The following PAICS variants were observed in gnomAD, a reference collection of about 807,000 sequenced individuals.
PAICS encodes phosphoribosylaminoimidazole carboxylase and phosphoribosylaminoimidazolesuccinocarboxamide synthase, also known as bifunctional phosphoribosylaminoimidazole carboxylase/phosphoribosylaminoimidazole succinocarboxamide synthetase.
In PAICS, 33 loss-of-function variants were observed where a neutral mutation model predicts 53.7. The ratio of observed to expected loss-of-function variants is 0.61; its 90% CI spans 0.47 to 0.82. PAICS has a LOEUF of 0.82. PAICS is among the 40% of genes least tolerant of loss of function. PAICS has a pLI of 0.00. For missense variants in PAICS, 394 were observed against 494.1 expected, an observed-to-expected ratio of 0.80 and a Z score of 1.92; for synonymous variants, 141 against 167.2, an observed-to-expected ratio of 0.84 and a Z score of 1.21.
At chr4:56,422,966 G>A in the PAICS span, 1 of 152,122 alleles carries the variant, frequency 6.6e-6, no homozygotes, top group African/African-American at 2.4e-5. Context: ...AAGTCTTCCA[G>A]GTTATAATGA....
rs11359661 is a variant in PAICS at position 56,463,694 on chromosome 4, CAAAAAAAAA to C, written c.*4165_*4173del. On this transcript the variant is annotated 3_prime_UTR_variant, in exon 9 of 9. Transcript: ENST00000512576. ...GGCAACAAGAGCGAAAATCTGTCGC[CAAAAAAAAA>C]AAAAAAAAGATACTGTACATGGAAG... 9.4e-6 allele frequency: 1 copy of C among 106,772 alleles called. No individual in the cohort carries two copies. Among genetic ancestry groups the C allele is most frequent in the African/African-American group, 3.4e-5 (1 of 29,530 alleles). The allele number at this position is 106,772 out of a possible 1,614,324, so 6.6% of individuals were successfully genotyped here.
chr4:56,435,611 C>G, upstream of PAICS: 5 of 1,505,810 alleles, frequency 3.3e-6, no homozygotes, highest in South Asian at 6.3e-5. Context: ...GTGGCCCCAG[C>G]TACTGCGGCG....
intron 1 of PAICS, among the ~76,000 whole-genome samples, chr4:56,438,371 T>TTATTTATATATA (rs1553941190): frequency 3.5e-5 from 4 of 113,636 alleles, no homozygotes; most frequent in Non-Finnish European, 5.8e-5. Context: ...TGCAATGTGT[T>TTATTTATATATA]TATATATATA....
In PAICS at chr4:56,448,455, A is replaced by G. The variant is rs1718730250; in HGVS notation, c.431A>G (p.Gln144Arg). The change falls in exon 4 of 9, where the codon CAG becomes CGG. Residue 144 changes from glutamine (Q) to arginine (R), a missense_variant. Gln to Arg is a conservative substitution (Grantham distance 43). Around this residue, in one of 3 missense-constraint regions of PAICS, gnomAD observed 168 missense variants for 199.3 expected, o/e 0.84. Transcript: ENST00000512576. ...AATGACCCACAGTGGTCTGAGGAAC[A>G]GCTGATTGCTGCAAAATTTTGCTTT... ...ANNDPQWSEE[Q>R]LIAAKFCFAG... is the part of the protein sequence containing the mutation. 1.2e-6 allele frequency: 2 copies of G among 1,611,084 alleles called. No homozygotes were observed. The highest frequency in any genetic ancestry group is 1.7e-6 in the Non-Finnish European group (2 of 1,177,896).
chr4:56,432,997 T>TTATATA (rs370961590), upstream of PAICS, among the ~76,000 whole-genome samples: 8 of 148,436 alleles, frequency 5.4e-5, no homozygotes, highest in African/African-American at 9.9e-5. Flanking sequence ...CACACGTATT[T>TTATATA]TATATATATA....
chr4:56,415,100 G>T, the PAICS span, among the ~76,000 whole-genome samples: 1 of 152,264 alleles, frequency 6.6e-6, no homozygotes, highest in African/African-American at 2.4e-5. Context: ...GGGAATGCCT[G>T]TAAACATAAT....
chr4:56,440,561 A>G (rs1042355519), intron 1 of PAICS, among the ~76,000 whole-genome samples: 1 of 152,186 alleles, frequency 6.6e-6, no homozygotes, highest in Non-Finnish European at 1.5e-5. Flanking sequence ...AAGTTCTGCA[A>G]TCCACTTTGA....
At chr4:56,418,361 C>A in the PAICS span, among the ~76,000 whole-genome samples, 2 of 151,836 alleles carry the variant, frequency 1.3e-5, no homozygotes, top group African/African-American at 4.8e-5. Context: ...ACTCTTTTGC[C>A]CAAGCTGGAG....
chr4:56,419,355 A>AG, the PAICS span, among the ~76,000 whole-genome samples: 4 of 152,306 alleles, frequency 2.6e-5, no homozygotes, highest in African/African-American at 7.2e-5. Context: ...GGTATGGAAG[A>AG]GAAAAAAAAG....
the PAICS span, chr4:56,410,890 C>T: frequency 1.2e-6 from 1 of 839,248 alleles, no homozygotes; most frequent in Non-Finnish European, 1.4e-6. Context: ...CCCCAGAGAC[C>T]ACTGAAGGTA....
rs1718863222 is a variant in PAICS, at chr4:56,450,709, C to A, written c.771+7C>A. On this transcript the variant is annotated splice_region_variant and intron_variant, in intron 6 of 8. Coordinates refer to ENST00000512576, the MANE Select transcript of PAICS (RefSeq NM_001079524.2). ...GGTTGCAGAGAGAGTAGAGGTAAAC[C>A]TTCTATAGTAAAACTGTATGTATTA... The A allele has an allele frequency of 1.5e-6, 2 of 1,350,262 alleles. 1 individual carries two copies. Among genetic ancestry groups the A allele is most frequent in the South Asian group, 2.5e-5 (2 of 79,914 alleles). The allele number at this position is 1,350,262 out of a possible 1,614,324, so 83.6% of individuals were successfully genotyped here.
At chr4:56,435,476 A>C, upstream of PAICS, 2 of 1,613,360 alleles carry the variant, frequency 1.2e-6, no homozygotes, top group Non-Finnish European at 1.7e-6. Context: ...CTCCAGCTCC[A>C]TGTCGCCGCC....
chr4:56,445,148 AC>A (rs1718546318), intron 2 of PAICS, among the ~76,000 whole-genome samples: 1 of 152,090 alleles, frequency 6.6e-6, no homozygotes, highest in African/African-American at 2.4e-5. Context: ...TTTGAGTCTT[AC>A]GAGTCAGATT....
At chr4:56,427,400 G>A in the PAICS span, among the ~76,000 whole-genome samples, 3 of 152,162 alleles carry the variant, frequency 2.0e-5, no homozygotes, top group African/African-American at 7.2e-5. Flanking sequence ...TATGGCATAT[G>A]CTGAAAGTTT....
the PAICS span, chr4:56,410,899 TAAAAAAAAAAAAAAAAAAA>T: frequency 1.5e-6 from 1 of 676,420 alleles, no homozygotes; most frequent in Non-Finnish European, 1.7e-6. Flanking sequence ...CCACTGAAGG[TAAAAAAAAAAAAAAAAAAA>T]AAAAAAAAAA....
chr4:56,426,319 T>C, the PAICS span, among the ~76,000 whole-genome samples: 3 of 152,040 alleles, frequency 2.0e-5, no homozygotes, highest in Non-Finnish European at 4.4e-5. Flanking sequence ...GGAGAATCAC[T>C]TGAACCCAGG....
At chr4:56,442,552 A>C (rs893980904) in intron 2 of PAICS, among the ~76,000 whole-genome samples, 1 of 152,194 alleles carries the variant, frequency 6.6e-6, no homozygotes, top group African/African-American at 2.4e-5. Context: ...GTAGTATATG[A>C]AATTTCAGCT....
chr4:56,436,609 C>CA (rs1247314478), intron 1 of PAICS: 4 of 679,760 alleles, frequency 5.9e-6, no homozygotes, highest in Non-Finnish European at 1.1e-5. Context: ...AAAATACAAG[C>CA]AAATCAGTCT....
At chr4:56,435,430 C>A, upstream of PAICS, 1 of 1,613,924 alleles carries the variant, frequency 6.2e-7, no homozygotes, top group Non-Finnish European at 8.5e-7. Context: ...AGGCGATGCA[C>A]CCGAACACGC....
Sources: gnomAD v4.1 joint callset for allele counts (sites outside exome capture counted in the v4.1 genomes callset) on GRCh38, gnomAD v4.1.1 for gene constraint, gnomAD v4.1.1 regional missense constraint, MANE v1.5 for transcripts, NCBI Gene and HGNC (gene_info 2026-07-23, HGNC 2026-07-21) for gene names.